TMEFF2: variants seen among roughly 807,000 people sequenced by gnomAD.
TMEFF2 encodes transmembrane protein with EGF like and two follistatin like domains 2.
TMEFF2 carries 28 observed loss-of-function variants against 53.8 expected under a neutral mutation model. The ratio of observed to expected loss-of-function variants is 0.52; its 90% CI spans 0.39 to 0.71. The LOEUF is 0.71. Ranked by LOEUF, TMEFF2 falls within the 30% of genes least tolerant of loss-of-function variation. The pLI, the probability that TMEFF2 is intolerant of heterozygous loss-of-function variation, is 0.00. For synonymous variants in TMEFF2, 162 were observed against 166.3 expected, an observed-to-expected ratio of 0.97 and a Z score of 0.20; for missense variants, 353 against 455.2, an observed-to-expected ratio of 0.78 and a Z score of 2.04.
rs571822034 is a variant in TMEFF2 at position 192,192,587 on chromosome 2, A to G, written c.173-598T>C. Among the ~76,000 whole-genome samples, 237 of 152,336 alleles carry G rather than the reference A, an allele frequency of 1.6e-3. 1 individual carries two copies. In the Middle Eastern group the frequency reaches 0.017, roughly 11 times the overall value. ...TTAACAGGGGTGGAAGCGGGGTGCC[A>G]AGTTCTTGACAACCTATCTGCAAAA... On this transcript the variant is annotated intron_variant, in intron 1 of 9. Transcript: ENST00000272771.
chr2:192,150,279 G>A lies in TMEFF2; in HGVS notation c.439+29389C>T, dbSNP rs115606405. Among the ~76,000 whole-genome samples the A allele has an allele frequency of 2.5e-3, 379 of 151,896 alleles. 3 individuals carry two copies. The highest frequency in any genetic ancestry group is 8.6e-3 in the African/African-American group (355 of 41,484). Reference sequence around the variant, plus strand: ...TTGTTATTAAAATAATCAGGCTGACGTTGACAAAAGAACAGAAGGAAACTG... The same window carrying A: ...TTGTTATTAAAATAATCAGGCTGACATTGACAAAAGAACAGAAGGAAACTG... On this transcript the variant is annotated intron_variant, in intron 4 of 9. Transcript: ENST00000272771.
chr2:192,140,976 C>T (rs1366807125), intron 4 of TMEFF2, among the ~76,000 whole-genome samples: 1 of 152,056 alleles, frequency 6.6e-6, no homozygotes, highest in African/African-American at 2.4e-5. Context: ...CATTTTACCC[C>T]TTTCTGGGTA....
chr2:191,973,497 G>A (rs2105806716), intron 7 of TMEFF2, among the ~76,000 whole-genome samples: 1 of 151,986 alleles, frequency 6.6e-6, no homozygotes, highest in Admixed American at 6.6e-5. Context: ...ATATATTTAT[G>A]TGTTTGTGTA....
chr2:191,998,973 G>T, intron 6 of TMEFF2, 87 bp downstream of exon 6: 1 of 1,347,364 alleles, frequency 7.4e-7, no homozygotes, highest in Non-Finnish European at 1.0e-6. Context: ...AAATGGAATA[G>T]CTGCCTAATA....
At chr2:192,009,121 AGGTAGTCCTACCT>A (rs1302785833) in intron 5 of TMEFF2, among the ~76,000 whole-genome samples, 1 of 152,190 alleles carries the variant, frequency 6.6e-6, no homozygotes, top group African/African-American at 2.4e-5. Context: ...AGAGAACACA[AGGTAGTCCTACCT>A]GGTGATATGG....
At chr2:192,145,838 G>C (rs1690238293) in intron 4 of TMEFF2, among the ~76,000 whole-genome samples, 1 of 151,968 alleles carries the variant, frequency 6.6e-6, no homozygotes, top group Non-Finnish European at 1.5e-5. Context: ...AGAATAGTGA[G>C]CAACATCTTG....
In TMEFF2 at chr2:191,950,087, A is replaced by G. The variant is rs1380904278; in HGVS notation, c.*224T>C. 2.3e-6 allele frequency: 3 copies of G among 1,287,832 alleles called. No individual in the cohort carries two copies. The highest frequency in any genetic ancestry group is 3.0e-6 in the Non-Finnish European group (3 of 1,008,556). The allele number at this position is 1,287,832 out of a possible 1,614,324, so 79.8% of individuals were successfully genotyped here. A position where few individuals can be genotyped will look rare whatever the true frequency, so the allele number is the denominator to read the frequency against. Reference sequence around the variant, plus strand: ...GAAAGAAAAAACTATATTGTGTGATATAAATAGTTTATTTACATTACAGAA... The same window carrying G: ...GAAAGAAAAAACTATATTGTGTGATGTAAATAGTTTATTTACATTACAGAA... On this transcript the variant is annotated 3_prime_UTR_variant, in exon 10 of 10. Coordinates refer to ENST00000272771, the MANE Select transcript of TMEFF2 (RefSeq NM_016192.4).
intron 4 of TMEFF2, among the ~76,000 whole-genome samples, chr2:192,134,297 T>G (rs527700698): frequency 2.4e-4 from 36 of 152,296 alleles, no homozygotes; most frequent in African/African-American, 7.9e-4. Flanking sequence ...ATACCACACC[T>G]GATCCCCATG....
At chr2:192,019,024 A>C (rs1474986624) in intron 5 of TMEFF2, among the ~76,000 whole-genome samples, 2 of 152,090 alleles carry the variant, frequency 1.3e-5, no homozygotes, top group South Asian at 4.1e-4. Flanking sequence ...GTGTTTAAAG[A>C]AAAATCTTCT....
chr2:191,964,333 C>CTTCTTTCTTTCTTTCTTTCTTTCT (rs368928481), intron 7 of TMEFF2, among the ~76,000 whole-genome samples: 10 of 71,516 alleles, frequency 1.4e-4, no homozygotes, highest in South Asian at 5.7e-4. Flanking sequence ...CCTTTCTTTC[C>CTTCTTTCTTTCTTTCTTTCTTTCT]TTCTTTCTTT....
chr2:192,080,789 CTTATT>C lies in TMEFF2; in HGVS notation c.440-23019_440-23015del, dbSNP rs547435113. Among the ~76,000 whole-genome samples, 28 of 152,094 alleles carry C rather than the reference CTTATT, an allele frequency of 1.8e-4. 1 individual carries two copies. Among genetic ancestry groups the C allele is most frequent in the Middle Eastern group, 3.4e-3 (1 of 294 alleles). On this transcript the variant is annotated intron_variant, in intron 4 of 9. Transcript: ENST00000272771. ...GGCTACTGTTTTATACATCCAAAAG[CTTATT>C]TGATTTCCAAATTTTCATCTTCTGC...
At chr2:192,024,544 A>AATTCAC (rs1686925179) in intron 5 of TMEFF2, among the ~76,000 whole-genome samples, 1 of 152,194 alleles carries the variant, frequency 6.6e-6, no homozygotes, top group South Asian at 2.1e-4. Context: ...TTTGAGTTAG[A>AATTCAC]ATTCACCTAT....
At chr2:192,054,282 C>T (rs182025295) in intron 5 of TMEFF2, among the ~76,000 whole-genome samples, 1 of 151,994 alleles carries the variant, frequency 6.6e-6, no homozygotes, top group East Asian at 1.9e-4. Flanking sequence ...ATGCTTCTCC[C>T]AGCAACTTGT....
chr2:192,142,773 C>A (rs1447473819), intron 4 of TMEFF2, among the ~76,000 whole-genome samples: 1 of 152,136 alleles, frequency 6.6e-6, no homozygotes, highest in Non-Finnish European at 1.5e-5. Context: ...ACTGATCTAA[C>A]ACAGTGGACT....
chr2:192,118,690 C>T (rs1457427107), intron 4 of TMEFF2, among the ~76,000 whole-genome samples: 1 of 152,084 alleles, frequency 6.6e-6, no homozygotes, highest in African/African-American at 2.4e-5. Flanking sequence ...AGACAAATTC[C>T]TTGAAGACCA....
intron 4 of TMEFF2, among the ~76,000 whole-genome samples, chr2:192,118,005 T>C (rs1274401279): frequency 6.9e-6 from 1 of 145,820 alleles, no homozygotes; most frequent in Admixed American, 7.0e-5. Context: ...CCTAATTCTT[T>C]GTTCCAAATG....
At chr2:192,089,653 C>T (rs1215961254) in intron 4 of TMEFF2, among the ~76,000 whole-genome samples, 2 of 152,078 alleles carry the variant, frequency 1.3e-5, no homozygotes, top group Admixed American at 6.6e-5. Flanking sequence ...TGCATGTAGC[C>T]ACTATTTGCA....
chr2:191,968,561 G>C (rs1325636134), intron 7 of TMEFF2, among the ~76,000 whole-genome samples: 2 of 152,140 alleles, frequency 1.3e-5, no homozygotes, highest in African/African-American at 4.8e-5. Flanking sequence ...TTCCTGAGGG[G>C]AGCTCTGTTG....
chr2:192,082,920 G>A lies in TMEFF2; in HGVS notation c.440-25145C>T, dbSNP rs186054669. ...TTACTTTATCAGTTAAGTTTCCTGC[G>A]TTTGGAATGTGTCGACATCAACAAG... On this transcript the variant is annotated intron_variant, in intron 4 of 9. Transcript: ENST00000272771. 2.5e-4 allele frequency among the ~76,000 whole-genome samples: 37 copies of A among 149,440 alleles called. No homozygotes were observed. In the East Asian group the frequency reaches 4.9e-3, roughly 20 times the overall value.
Sources: allele counts gnomAD v4.1 joint callset (sites outside exome capture counted in the v4.1 genomes callset), GRCh38; gene constraint gnomAD v4.1.1; transcripts MANE v1.5; gene names NCBI Gene and HGNC (gene_info 2026-07-23, HGNC 2026-07-21).